VEPH1: variants seen among roughly 807,000 people sequenced by gnomAD.
VEPH1 encodes the protein ventricular zone-expressed PH domain-containing protein homolog 1.
Under a neutral mutation model 85.2 loss-of-function variants are expected in VEPH1, and 80 were observed. The ratio of observed to expected loss-of-function variants is 0.94; its 90% CI spans 0.78 to 1.13. The LOEUF (loss-of-function observed/expected upper bound fraction) is 1.13. Among genes scored for constraint, VEPH1 ranks in the 50% most tolerant of loss-of-function variants. The probability of loss-of-function intolerance (pLI) is 0.00; values close to 1 mark genes in which losing one functional copy is unlikely to be tolerated. For synonymous variants in VEPH1, 297 were observed against 348.0 expected (o/e 0.85, Z 1.63); for missense variants, 955 against 980.5 (o/e 0.97, Z 0.35).
At chr3:157,408,661 G>C (rs182020190) in intron 6 of VEPH1, among the ~76,000 whole-genome samples, 118 of 152,270 alleles carry the variant, frequency 7.7e-4, no homozygotes, top group African/African-American at 2.7e-3. Flanking sequence ...TACTATGGAA[G>C]TATAGACTGG....
At position 157,321,777 on chromosome 3, in the gene VEPH1, GAAAC is replaced by G. The variant is rs565467072; in HGVS notation, c.1736-4580_1736-4577del. ...AGCAGACCAAAAGCTGATCCAGAAT[GAAAC>G]AAACAAACAAACAAACAAAAAAAGC... On this transcript the variant is annotated intron_variant, in intron 9 of 13. Coordinates refer to ENST00000362010, the MANE Select transcript of VEPH1 (RefSeq NM_001167912.2). 1.9e-3 allele frequency among the ~76,000 whole-genome samples: 292 copies of G among 152,074 alleles called. 2 individuals carry two copies. Among genetic ancestry groups the G allele is most frequent in the Middle Eastern group, 0.017 (5 of 294 alleles).
At chr3:157,349,469 G>C (rs1165477780) in intron 9 of VEPH1, among the ~76,000 whole-genome samples, 1 of 152,100 alleles carries the variant, frequency 6.6e-6, no homozygotes, top group Non-Finnish European at 1.5e-5. Context: ...TTAAGAACTG[G>C]AACAGGATTA....
intron 2 of VEPH1, among the ~76,000 whole-genome samples, chr3:157,494,073 G>A (rs1041131923): frequency 6.6e-6 from 1 of 152,130 alleles, no homozygotes; most frequent in African/African-American, 2.4e-5. Flanking sequence ...ATGAGTAATT[G>A]CCATCAAAGA....
At position 157,282,264 on chromosome 3, in the gene VEPH1, G is replaced by A. The variant is rs547999209; in HGVS notation, c.2128+4293C>T. 9.2e-5 allele frequency among the ~76,000 whole-genome samples: 14 copies of A among 152,210 alleles called. No homozygotes were observed. In the East Asian group the frequency reaches 2.7e-3, roughly 29 times the overall value. Reference sequence around the variant, plus strand: ...GGCTGGAGTGCAGTGGCTATTCATAGGCATGATCATGGTACACCACAGCTT... The same window carrying A: ...GGCTGGAGTGCAGTGGCTATTCATAAGCATGATCATGGTACACCACAGCTT... On this transcript the variant is annotated intron_variant, in intron 12 of 13. Transcript: ENST00000362010.
intron 12 of VEPH1, among the ~76,000 whole-genome samples, chr3:157,271,362 C>T (rs2108283928): frequency 6.6e-6 from 1 of 152,244 alleles, no homozygotes; most frequent in East Asian, 1.9e-4. Context: ...AAACAGATGG[C>T]ATCTCAAACT....
intron 9 of VEPH1, among the ~76,000 whole-genome samples, chr3:157,322,965 C>T (rs1721513586): frequency 6.6e-6 from 1 of 152,094 alleles, no homozygotes; most frequent in African/African-American, 2.4e-5. Context: ...TGAAGTCAAC[C>T]ATAAGTTCCA....
chr3:157,343,384 G>A (rs1306851185), intron 9 of VEPH1, among the ~76,000 whole-genome samples: 3 of 152,166 alleles, frequency 2.0e-5, no homozygotes, highest in African/African-American at 7.2e-5. Flanking sequence ...TACCATCAGA[G>A]AATACTATAA....
intron 9 of VEPH1, among the ~76,000 whole-genome samples, chr3:157,325,888 T>C (rs1721845180): frequency 1.3e-5 from 2 of 152,354 alleles, no homozygotes; most frequent in African/African-American, 4.8e-5. Flanking sequence ...GGTAGTTTAA[T>C]GGGAATAGCA....
chr3:157,361,858 A>T (rs1726078903), intron 9 of VEPH1, among the ~76,000 whole-genome samples: 1 of 152,236 alleles, frequency 6.6e-6, no homozygotes. Context: ...TAATTTTTTT[A>T]GAATTAAAAT....
intron 12 of VEPH1, among the ~76,000 whole-genome samples, chr3:157,276,787 A>G (rs1715459039): frequency 6.6e-6 from 1 of 152,212 alleles, no homozygotes; most frequent in Non-Finnish European, 1.5e-5. Flanking sequence ...TCTGAGTAGT[A>G]CATGTCTTTA....
intron 1 of VEPH1, chr3:157,499,477 A>G (rs754592908): frequency 3.3e-5 from 5 of 152,138 alleles, no homozygotes; most frequent in African/African-American, 9.7e-5. Context: ...GCAGGCTCCG[A>G]GGGCACAGCG....
At chr3:157,341,762 G>T (rs1202778721) in intron 9 of VEPH1, among the ~76,000 whole-genome samples, 1 of 152,012 alleles carries the variant, frequency 6.6e-6, no homozygotes, top group Non-Finnish European at 1.5e-5. Flanking sequence ...AAAATGTTAA[G>T]GGCAGCCAGA....
At chr3:157,369,180 G>GA (rs58451868) in intron 7 of VEPH1, among the ~76,000 whole-genome samples, 5,433 of 42,602 alleles carry the variant, frequency 0.13, 774 homozygotes, top group African/African-American at 0.18. Context: ...AAAACCAAAT[G>GA]AAAAAAAAAA....
chr3:157,361,023 T>C (rs1156714927), intron 9 of VEPH1, among the ~76,000 whole-genome samples: 1 of 152,232 alleles, frequency 6.6e-6, no homozygotes, highest in Non-Finnish European at 1.5e-5. Flanking sequence ...TTTACCTTTA[T>C]CTTTGCTATT....
intron 11 of VEPH1, among the ~76,000 whole-genome samples, chr3:157,295,187 G>C (rs1717972125): frequency 6.6e-6 from 1 of 152,200 alleles, no homozygotes; most frequent in African/African-American, 2.4e-5. Context: ...AGGAAACTTA[G>C]GAGGTTATTT....
intron 7 of VEPH1, among the ~76,000 whole-genome samples, chr3:157,373,665 T>C (rs1727760305): frequency 1.3e-5 from 2 of 152,282 alleles, no homozygotes; most frequent in South Asian, 4.1e-4. Flanking sequence ...CTCTTACCTC[T>C]TCTCCCACAA....
At chr3:157,488,975 CT>C (rs1560107017) in intron 2 of VEPH1, 1 of 228,920 alleles carries the variant, frequency 4.4e-6, no homozygotes, top group Admixed American at 4.0e-5. Context: ...CCACCTCCCC[CT>C]CTTCATCACA....
Position 157,428,384 on chromosome 3 carries a change from G to A in VEPH1, c.634C>T (p.Gln212Ter). Residue 212 changes from glutamine to a stop codon, truncating the protein, a stop_gained, in exon 5 of 14, where the codon CAG becomes TAG. Coordinates refer to ENST00000362010, the MANE Select transcript of VEPH1 (RefSeq NM_001167912.2). LOFTEE classifies it high-confidence loss of function. ...ELLALMSQLE[Q>*]PEQYHLLRLL... is the part of the protein sequence containing the mutation. Reference sequence around the variant, plus strand: ...CGTAGTAGATGGTACTGTTCTGGCTGTTCCAGCTGAGACATCAAGGCCAGG... The same window carrying A: ...CGTAGTAGATGGTACTGTTCTGGCTATTCCAGCTGAGACATCAAGGCCAGG... The A allele has an allele frequency of 3.1e-6, 5 of 1,614,150 alleles. No individual in the cohort carries two copies. Among genetic ancestry groups the A allele is most frequent in the Non-Finnish European group, 4.2e-6 (5 of 1,180,010 alleles).
intron 6 of VEPH1, among the ~76,000 whole-genome samples, chr3:157,411,125 G>A (rs1339864081): frequency 6.6e-6 from 1 of 152,148 alleles, no homozygotes; most frequent in Non-Finnish European, 1.5e-5. Context: ...GCAATGGGTG[G>A]AGACAGTGTC....
Sources: gnomAD v4.1 joint callset for allele counts (sites outside exome capture counted in the v4.1 genomes callset) on GRCh38, gnomAD v4.1.1 for gene constraint, MANE v1.5 for transcripts, NCBI Gene and HGNC (gene_info 2026-07-23, HGNC 2026-07-21) for gene names.